The following GRIN2A variants were observed in gnomAD, a reference collection of about 807,000 sequenced individuals.
The protein encoded by GRIN2A is glutamate ionotropic receptor NMDA type subunit 2A, also known as glutamate receptor ionotropic, NMDA 2A.
In GRIN2A, 22 loss-of-function variants were observed where a neutral mutation model predicts 113.4. The observed-to-expected ratio is 0.19, with a 90% CI of 0.14 to 0.28. GRIN2A has a LOEUF of 0.28. GRIN2A is among the 10% of genes least tolerant of loss of function. GRIN2A has a pLI of 1.00. For missense variants in GRIN2A, 1,502 were observed against 1,887.0 expected (o/e 0.80, Z 3.78); for synonymous variants, 827 against 738.4 (o/e 1.12, Z -1.94).
intron 2 of GRIN2A, among the ~76,000 whole-genome samples, chr16:10,119,002 G>C (rs1300899556): frequency 6.6e-6 from 1 of 152,188 alleles, no homozygotes; most frequent in African/African-American, 2.4e-5. Flanking sequence ...GACTGGAAGA[G>C]CCACAATATG....
At chr16:9,903,216 C>G (rs940867685) in intron 3 of GRIN2A, among the ~76,000 whole-genome samples, 1 of 152,072 alleles carries the variant, frequency 6.6e-6, no homozygotes, top group Admixed American at 6.5e-5. Flanking sequence ...TGATCCGCCA[C>G]CTCGGCCTCC....
At chr16:10,059,163 G>T (rs1313666031) in intron 2 of GRIN2A, among the ~76,000 whole-genome samples, 1 of 152,168 alleles carries the variant, frequency 6.6e-6, no homozygotes, top group Non-Finnish European at 1.5e-5. Flanking sequence ...GACAAAGATG[G>T]AGCAGCTGCA....
chr16:9,875,654 C>T (rs2043349886), intron 4 of GRIN2A, among the ~76,000 whole-genome samples: 1 of 152,162 alleles, frequency 6.6e-6, no homozygotes, highest in Non-Finnish European at 1.5e-5. Context: ...CACTGAGCTC[C>T]AGTAATTGTG....
At chr16:10,023,569 T>G (rs1290521946) in intron 2 of GRIN2A, among the ~76,000 whole-genome samples, 1 of 152,194 alleles carries the variant, frequency 6.6e-6, no homozygotes, top group Non-Finnish European at 1.5e-5. Flanking sequence ...TACTAAGTCC[T>G]CATTAACTGG....
chr16:10,117,645 C>T (rs58261748), intron 2 of GRIN2A, among the ~76,000 whole-genome samples: 24,988 of 152,112 alleles, frequency 0.16, 2,551 homozygotes, highest in East Asian at 0.36. Context: ...ATATAATGAC[C>T]ACATTGTTCC....
intron 2 of GRIN2A, among the ~76,000 whole-genome samples, chr16:10,156,103 C>A (rs2049689322): frequency 6.6e-6 from 1 of 152,210 alleles, no homozygotes; most frequent in East Asian, 1.9e-4. Context: ...AGGCTTCCTG[C>A]CCATCTGCCC....
chr16:10,067,278 C>A (rs2047667592), intron 2 of GRIN2A, among the ~76,000 whole-genome samples: 3 of 152,144 alleles, frequency 2.0e-5, no homozygotes, highest in Non-Finnish European at 4.4e-5. Flanking sequence ...ATAAAATACC[C>A]ACGAAAAATT....
At chr16:10,090,986 T>C (rs1016759354) in intron 2 of GRIN2A, among the ~76,000 whole-genome samples, 6 of 152,068 alleles carry the variant, frequency 3.9e-5, no homozygotes, top group African/African-American at 1.2e-4. Flanking sequence ...AAAACCACAA[T>C]GAGATTCCAC....
intron 11 of GRIN2A, among the ~76,000 whole-genome samples, chr16:9,797,447 G>A (rs1007241486): frequency 6.6e-6 from 1 of 152,204 alleles, no homozygotes; most frequent in African/African-American, 2.4e-5. Context: ...AGTAGAAAGG[G>A]CAGACAGGAG....
intron 9 of GRIN2A, among the ~76,000 whole-genome samples, chr16:9,827,055 A>C (rs1158239332): frequency 6.9e-6 from 1 of 145,878 alleles, no homozygotes; most frequent in Non-Finnish European, 1.5e-5. Flanking sequence ...AGACTTGCAC[A>C]ATAGCGCTTC....
At chr16:9,966,268 C>T (rs533172166) in intron 2 of GRIN2A, among the ~76,000 whole-genome samples, 2 of 152,242 alleles carry the variant, frequency 1.3e-5, no homozygotes, top group Non-Finnish European at 2.9e-5. Flanking sequence ...CTTCCTCCTC[C>T]CACCCTCCAC....
chr16:9,937,145 T>C (rs1039295880), intron 3 of GRIN2A, among the ~76,000 whole-genome samples: 1 of 152,102 alleles, frequency 6.6e-6, no homozygotes, highest in African/African-American at 2.4e-5. Flanking sequence ...CCATTTACCC[T>C]GATGTGATTA....
At chr16:9,957,387 A>C (rs930648200) in intron 2 of GRIN2A, among the ~76,000 whole-genome samples, 1 of 152,202 alleles carries the variant, frequency 6.6e-6, no homozygotes, top group African/African-American at 2.4e-5. Context: ...TGGACCACCC[A>C]AGGAAGAACA....
intron 2 of GRIN2A, among the ~76,000 whole-genome samples, chr16:10,034,774 A>T (rs2046994854): frequency 6.6e-6 from 1 of 151,980 alleles, no homozygotes; most frequent in African/African-American, 2.4e-5. Flanking sequence ...TGACCCCTCC[A>T]CTCATCTCAA....
At chr16:9,806,791 A>T (rs1037336064) in intron 10 of GRIN2A, among the ~76,000 whole-genome samples, 1 of 151,712 alleles carries the variant, frequency 6.6e-6, no homozygotes, top group African/African-American at 2.4e-5. Flanking sequence ...AAGAGAGAAA[A>T]AGAGGATAGA....
chr16:10,084,040 G>A (rs545941582), intron 2 of GRIN2A, among the ~76,000 whole-genome samples: 1 of 152,316 alleles, frequency 6.6e-6, no homozygotes, highest in East Asian at 1.9e-4. Flanking sequence ...GGTCAAGGCA[G>A]CAGTGAGCCG....
intron 2 of GRIN2A, among the ~76,000 whole-genome samples, chr16:10,053,308 G>A (rs1266815195): frequency 6.6e-6 from 1 of 152,174 alleles, no homozygotes. Flanking sequence ...TAAATGTCAG[G>A]CTAAAAGGAA....
rs185902235 is a variant in GRIN2A at position 10,078,719 on chromosome 16, C to T, written c.414+101279G>A. Among the ~76,000 whole-genome samples the T allele has an allele frequency of 3.9e-5, 6 of 152,286 alleles. No homozygotes were observed. In the East Asian group the frequency reaches 1.2e-3, roughly 30 times the overall value. ...TCTGTCTGCAGCAGCTGCAGTGAAA[C>T]AAAGGGCACAGCCCCCTTCAGGCCA... is the stretch of plus-strand genomic sequence containing the variant. On this transcript the variant is annotated intron_variant, in intron 2 of 12. Transcript: ENST00000330684.
chr16:10,120,157 C>T (rs1166538442), intron 2 of GRIN2A, among the ~76,000 whole-genome samples: 3 of 152,300 alleles, frequency 2.0e-5, no homozygotes, highest in East Asian at 1.9e-4. Flanking sequence ...AATCATCACA[C>T]TGCTTTCCAC....
Sources: gnomAD v4.1 joint callset for allele counts (sites outside exome capture counted in the v4.1 genomes callset) on GRCh38, gnomAD v4.1.1 for gene constraint, MANE v1.5 for transcripts, NCBI Gene and HGNC (gene_info 2026-07-23, HGNC 2026-07-21) for gene names.